Variants in SLC19A2 observed in about 807,000 individuals in gnomAD.
SLC19A2 encodes the protein solute carrier family 19 member 2.
A neutral mutation model predicts 44.7 loss-of-function variants in SLC19A2; 27 were observed. The observed-to-expected ratio is 0.60, with a 90% confidence interval of 0.45 to 0.83. SLC19A2 has a LOEUF of 0.83. Among genes scored for constraint, SLC19A2 ranks in the 40% least tolerant of loss-of-function variants. The pLI is 0.00. For missense variants in SLC19A2, 566 were observed against 613.7 expected (o/e 0.92, Z 0.82); for synonymous variants, 239 against 243.6 (o/e 0.98, Z 0.18).
At position 169,477,293 on chromosome 1, in the gene SLC19A2, G is replaced by A. The variant is rs763391580; in HGVS notation, c.669C>T (p.Thr223=). Reference sequence around the variant, plus strand: ...CCTTGATGCCATTCACTCTCTGGCAGGTAGAAGGAATGTGGTGAAAGAAGA... The same window carrying A: ...CCTTGATGCCATTCACTCTCTGGCAAGTAGAAGGAATGTGGTGAAAGAAGA... The part of the protein sequence containing the change: ...KSLFFHHIPS[T]CQRVNGIKVQ... Residue 223 remains threonine, a synonymous_variant, in exon 2 of 6, where the codon ACC becomes ACT. Transcript: ENST00000236137. The A allele has an allele frequency of 8.7e-6, 14 of 1,614,174 alleles. No homozygotes were observed. Among genetic ancestry groups the A allele is most frequent in the Non-Finnish European group, 1.0e-5 (12 of 1,180,038 alleles).
chr1:169,471,780 T>C (rs1658190931), intron 2 of SLC19A2, among the ~76,000 whole-genome samples: 1 of 151,596 alleles, frequency 6.6e-6, no homozygotes, highest in African/African-American at 2.4e-5. Flanking sequence ...ACAGTGACCA[T>C]CAACATTAGT....
intron 3 of SLC19A2, 49 bp from the exon 4 acceptor site, chr1:169,468,885 T>C: frequency 6.6e-7 from 1 of 1,525,562 alleles, no homozygotes; most frequent in Non-Finnish European, 9.1e-7. Flanking sequence ...ACAAATGCTG[T>C]TGCAATAAAT....
In SLC19A2 at chr1:169,473,918, A is replaced by G. The variant is rs190156439; in HGVS notation, c.807+3237T>C. The stretch of plus-strand genomic sequence containing the variant: ...AGCAATTACCATTTATTGGAAACCT[A>G]CTATGTAAACTCATTTGAAAGCTTT... On this transcript the variant is annotated intron_variant, in intron 2 of 5. Coordinates refer to ENST00000236137, the MANE Select transcript of SLC19A2 (RefSeq NM_006996.3). The G allele has an allele frequency of 1.1e-4, 17 of 151,706 alleles. No individual in the cohort carries two copies. The East Asian group carries it at 1.8e-3, about 16-fold the overall frequency. The allele number at this position is 151,706 out of a possible 1,614,324, so 9.4% of individuals were successfully genotyped here.
At chr1:169,470,682 T>TA (rs1365066285) in intron 2 of SLC19A2, among the ~76,000 whole-genome samples, 5 of 152,294 alleles carry the variant, frequency 3.3e-5, no homozygotes, top group African/African-American at 1.2e-4. Flanking sequence ...GGTGGGTTCT[T>TA]AGTGATTTAA....
At chr1:169,466,131 G>A (rs1002954911) in intron 5 of SLC19A2, among the ~76,000 whole-genome samples, 154 bp from the exon 6 acceptor site, 8 of 152,156 alleles carry the variant, frequency 5.3e-5, no homozygotes, top group Admixed American at 3.3e-4. Flanking sequence ...ATCACAGCAC[G>A]GTGGTACTAA....
chr1:169,477,191 G>A lies in SLC19A2; in HGVS notation c.771C>T (p.Ile257=), dbSNP rs752667059. The A allele has an allele frequency of 4.6e-5, 75 of 1,613,900 alleles. 1 individual carries two copies. The South Asian group carries it at 8.1e-4, about 17-fold the overall frequency. ...LPGWEDIESK[I]PLNMEEPPVE... is the part of the protein sequence containing the mutation. Reference sequence around the variant, plus strand: ...CGGGAGGCTCCTCCATATTTAGAGGGATTTTTGACTCAATGTCCTCCCAGC... The same window carrying A: ...CGGGAGGCTCCTCCATATTTAGAGGAATTTTTGACTCAATGTCCTCCCAGC... The change falls in exon 2 of 6, where the codon ATC becomes ATT. Residue 257 remains isoleucine (I), a synonymous_variant. Coordinates refer to ENST00000236137, the MANE Select transcript of SLC19A2 (RefSeq NM_006996.3).
chr1:169,468,627 T>C lies in SLC19A2; in HGVS notation c.1223+17A>G. ...GTTACAATTTTTCCTAAGGCTTCTA[T>C]GAGCCAAAATACATACGTTGCTATC... On this transcript the variant is annotated intron_variant, in intron 4 of 5. Transcript: ENST00000236137. 3.1e-6 allele frequency: 5 copies of C among 1,610,448 alleles called. No homozygotes were observed. The highest frequency in any genetic ancestry group is 4.2e-6 in the Non-Finnish European group (5 of 1,177,138).
At position 169,468,831 on chromosome 1, in the gene SLC19A2, C is replaced by T; in HGVS notation, c.1036G>A (p.Val346Ile). The T allele has an allele frequency of 6.2e-7, 1 of 1,613,736 alleles. No homozygotes were observed. The highest frequency in any genetic ancestry group is 8.5e-7 in the Non-Finnish European group (1 of 1,179,712). Residue 346 changes from valine (V) to isoleucine (I), a missense_variant, in exon 4 of 6, where the codon GTT becomes ATT. Transcript: ENST00000236137. ...ATATAACCAACTGCAAACACAGCAA[C>T]AGCACCTACAGAACAAACAAAAAAA... ...VEAVSTLLGA[V>I]AVFAVGYIKI...
At position 169,464,399 on chromosome 1, in the gene SLC19A2, G is replaced by A. The variant is rs1021419018; in HGVS notation, c.*1450C>T. ...CTTTTCCTTTCCCTTAATAGTAAAG[G>A]ATGGTGAATAGAAAATGACCTATTC... is the stretch of plus-strand genomic sequence containing the variant. On this transcript the variant is annotated 3_prime_UTR_variant, in exon 6 of 6. Transcript: ENST00000236137. The A allele has an allele frequency of 6.6e-6, 1 of 152,064 alleles. No homozygotes were observed. The highest frequency in any genetic ancestry group is 1.5e-5 in the Non-Finnish European group (1 of 67,980). The allele number at this position is 152,064 out of a possible 1,614,324, so 9.4% of individuals were successfully genotyped here.
intron 2 of SLC19A2, among the ~76,000 whole-genome samples, chr1:169,471,106 T>C (rs1337986698): frequency 6.7e-6 from 1 of 148,844 alleles, no homozygotes; most frequent in South Asian, 2.1e-4. Flanking sequence ...GTGGCTAACA[T>C]GGAAAGGCAA....
chr1:169,473,248 T>C (rs1488444226), intron 2 of SLC19A2, among the ~76,000 whole-genome samples: 1 of 152,102 alleles, frequency 6.6e-6, no homozygotes, highest in African/African-American at 2.4e-5. Context: ...TTTATTTATT[T>C]ATTTTTTTGA....
chr1:169,469,924 C>G lies in SLC19A2; in HGVS notation c.1030+40G>C, dbSNP rs372959652. On this transcript the variant is annotated intron_variant, in intron 3 of 5. Coordinates refer to ENST00000236137, the MANE Select transcript of SLC19A2 (RefSeq NM_006996.3). The stretch of plus-strand genomic sequence containing the variant: ...GGCTGGCTTAACTACCAGAGGAATC[C>G]CTCCCCCACCACGACCCTCTATTAT... The G allele has an allele frequency of 3.2e-6, 5 of 1,568,836 alleles. No individual in the cohort carries two copies. The African/African-American group carries it at 6.8e-5, about 21-fold the overall frequency.
At chr1:169,481,387 T>A (rs1658441405) in intron 1 of SLC19A2, among the ~76,000 whole-genome samples, 1 of 152,250 alleles carries the variant, frequency 6.6e-6, no homozygotes, top group East Asian at 1.9e-4. Context: ...ATCAGAAAAC[T>A]GCTATTAATC....
rs773210066 is a variant in SLC19A2, at chr1:169,477,760, G to A, written c.205-3C>T. On this transcript the variant is annotated splice_polypyrimidine_tract_variant and splice_region_variant and intron_variant, in intron 1 of 5. Transcript: ENST00000236137. ...ACTGGATAAATTTCATTGAAGACCT[G>A]GTAGAAAGAGAAAAAAAAAAAACAA... 2.5e-6 allele frequency: 4 copies of A among 1,601,968 alleles called. No homozygotes were observed. Among genetic ancestry groups the A allele is most frequent in the Admixed American group, 1.7e-5 (1 of 58,522 alleles).
At position 169,485,780 on chromosome 1, in the gene SLC19A2, G is replaced by A. The variant is rs1223044377; in HGVS notation, c.-14C>T. On this transcript the variant is annotated 5_prime_UTR_variant, in exon 1 of 6. Coordinates refer to ENST00000236137, the MANE Select transcript of SLC19A2 (RefSeq NM_006996.3). Reference sequence around the variant, plus strand: ...GGGCACATCCATCCGGGGCGCGAGGGGAGGGGACCCGGCCCGGCCCCTTCC... The same window carrying A: ...GGGCACATCCATCCGGGGCGCGAGGAGAGGGGACCCGGCCCGGCCCCTTCC... The A allele has an allele frequency of 3.9e-6, 6 of 1,525,278 alleles. No individual in the cohort carries two copies. The South Asian group carries it at 6.0e-5, about 15-fold the overall frequency. The allele number at this position is 1,525,278 out of a possible 1,614,324, so 94.5% of individuals were successfully genotyped here.
chr1:169,478,523 ATTTTTTTTTTTTTT>A (rs35141285), intron 1 of SLC19A2, among the ~76,000 whole-genome samples: 12 of 66,642 alleles, frequency 1.8e-4, no homozygotes, highest in Middle Eastern at 0.021. Flanking sequence ...CAACCAGCTA[ATTTTTTTTTTTTTT>A]TTTTTTTTTT....
chr1:169,477,766 A>T lies in SLC19A2; in HGVS notation c.205-9T>A, dbSNP rs367896601. 3.1e-6 allele frequency: 5 copies of T among 1,600,498 alleles called. No homozygotes were observed. Among genetic ancestry groups the T allele is most frequent in the Non-Finnish European group, 4.3e-6 (5 of 1,172,992 alleles). On this transcript the variant is annotated splice_polypyrimidine_tract_variant and intron_variant, in intron 1 of 5. Coordinates refer to ENST00000236137, the MANE Select transcript of SLC19A2 (RefSeq NM_006996.3). Reference sequence around the variant, plus strand: ...TAAATTTCATTGAAGACCTGGTAGAAAGAGAAAAAAAAAAAACAAAAAACA... The same window carrying T: ...TAAATTTCATTGAAGACCTGGTAGATAGAGAAAAAAAAAAAACAAAAAACA...
At chr1:169,470,452 AAAAGAGACC>A (rs1373837209) in intron 2 of SLC19A2, among the ~76,000 whole-genome samples, 1 of 152,226 alleles carries the variant, frequency 6.6e-6, no homozygotes, top group Non-Finnish European at 1.5e-5. Context: ...GAAGATGATG[AAAAGAGACC>A]GCAGGCTTCA....
intron 2 of SLC19A2, among the ~76,000 whole-genome samples, chr1:169,471,463 CCACACACA>C (rs59833853): frequency 0.3 from 34,903 of 117,390 alleles, 5,675 homozygotes; most frequent in Non-Finnish European, 0.37. Context: ...GATCCCGTCT[CCACACACA>C]CACACACACA....
Sources: allele counts gnomAD v4.1 joint callset (sites outside exome capture counted in the v4.1 genomes callset), GRCh38; gene constraint gnomAD v4.1.1; transcripts MANE v1.5; gene names NCBI Gene and HGNC (gene_info 2026-07-23, HGNC 2026-07-21).